FAM193A: variants seen among roughly 807,000 people sequenced by gnomAD.
The protein encoded by FAM193A is family with sequence similarity 193 member A.
In FAM193A, 22 loss-of-function variants were observed where a neutral mutation model predicts 126.5. That is an observed-to-expected ratio of 0.17 (90% CI 0.12 to 0.25). The LOEUF (loss-of-function observed/expected upper bound fraction) is 0.25, where lower values mean the gene tolerates loss of function less well. Ranked by LOEUF, FAM193A falls within the 10% of genes least tolerant of loss-of-function variation. The pLI is 1.00. For synonymous variants in FAM193A, 761 were observed against 646.8 expected (o/e 1.18, Z -2.68); for missense variants, 1,675 against 1,672.8 (o/e 1.00, Z -0.02).
chr4:2,711,954 T>C (rs909133816), intron 19 of FAM193A, among the ~76,000 whole-genome samples: 2 of 152,148 alleles, frequency 1.3e-5, no homozygotes, highest in Non-Finnish European at 2.9e-5. Flanking sequence ...GTAATTTCCA[T>C]GCGTCTTTTT....
intron 20 of FAM193A, among the ~76,000 whole-genome samples, chr4:2,726,141 C>T (rs772251032): frequency 2.7e-4 from 41 of 152,166 alleles, no homozygotes; most frequent in Non-Finnish European, 5.3e-4. Context: ...CCTCGTGATC[C>T]GCCCATCTCA....
At chr4:2,548,641 G>C (rs2108814822) in intron 1 of FAM193A, among the ~76,000 whole-genome samples, 1 of 151,892 alleles carries the variant, frequency 6.6e-6, no homozygotes, top group Non-Finnish European at 1.5e-5. Context: ...ATTTTTAGTA[G>C]AGATGGGGTT....
chr4:2,547,907 G>A (rs1737667888), intron 1 of FAM193A, among the ~76,000 whole-genome samples: 1 of 151,938 alleles, frequency 6.6e-6, no homozygotes, highest in Non-Finnish European at 1.5e-5. Context: ...TTGCAGGCGT[G>A]AGCCACTGAG....
chr4:2,649,764 C>T (rs776134731), intron 7 of FAM193A, among the ~76,000 whole-genome samples: 9 of 152,204 alleles, frequency 5.9e-5, no homozygotes, highest in Non-Finnish European at 1.3e-4. Context: ...CCCCACAGAG[C>T]AGGGGTCCCT....
At chr4:2,690,633 T>C in intron 14 of FAM193A, 65 bp from the exon 15 acceptor site, 1 of 1,453,476 alleles carries the variant, frequency 6.9e-7, no homozygotes, top group Non-Finnish European at 9.4e-7. Context: ...CATCAGCATG[T>C]CTTTTAGGGT....
At chr4:2,617,198 G>A (rs1287415669) in intron 2 of FAM193A, among the ~76,000 whole-genome samples, 25 of 98,556 alleles carry the variant, frequency 2.5e-4, no homozygotes, top group African/African-American at 5.4e-4. Flanking sequence ...AAAAAAAAAA[G>A]AATATTTTTT....
At chr4:2,728,684 G>A (rs1185022971) in intron 20 of FAM193A, among the ~76,000 whole-genome samples, 2 of 151,982 alleles carry the variant, frequency 1.3e-5, no homozygotes, top group Admixed American at 6.6e-5. Context: ...GCTTTGAGTC[G>A]TTTGTGCAGG....
chr4:2,678,828 C>T (rs758147559), intron 13 of FAM193A, among the ~76,000 whole-genome samples: 2 of 152,162 alleles, frequency 1.3e-5, no homozygotes, highest in Non-Finnish European at 2.9e-5. Flanking sequence ...TTTGTGGAAT[C>T]TTTGGAGTTC....
chr4:2,558,018 A>T (rs923731170), intron 1 of FAM193A, among the ~76,000 whole-genome samples: 1 of 152,166 alleles, frequency 6.6e-6, no homozygotes, highest in African/African-American at 2.4e-5. Context: ...CATGCCTGTA[A>T]TCCCAGCACT....
At chr4:2,646,286 C>A (rs1384292871) in intron 6 of FAM193A, among the ~76,000 whole-genome samples, 9 of 150,938 alleles carry the variant, frequency 6.0e-5, no homozygotes, top group African/African-American at 1.9e-4. Context: ...TCTCCTGTCT[C>A]AGCCTCCTGA....
chr4:2,588,431 G>T lies in FAM193A; in HGVS notation c.256-7653G>T, dbSNP rs545269202. ...TATAAAAAAGCAAGTATTGCCTGTG[G>T]GCCCCACTGTTTTAGGTCACTGGCT... On this transcript the variant is annotated intron_variant, in intron 1 of 20. Coordinates refer to ENST00000637812, the MANE Select transcript of FAM193A (RefSeq NM_001366318.2). Among the ~76,000 whole-genome samples the T allele has an allele frequency of 3.4e-4, 51 of 152,222 alleles. No individual in the cohort carries two copies. In the South Asian group the frequency reaches 0.01, roughly 30 times the overall value.
chr4:2,710,213 C>A (rs528745690), intron 19 of FAM193A, among the ~76,000 whole-genome samples: 354 of 123,116 alleles, frequency 2.9e-3, no homozygotes, highest in African/African-American at 8.2e-3. Flanking sequence ...CTCGCTCTGT[C>A]CCCCAGGCTG....
chr4:2,682,945 C>T (rs568791231), intron 13 of FAM193A, among the ~76,000 whole-genome samples: 1 of 152,296 alleles, frequency 6.6e-6, no homozygotes, highest in Non-Finnish European at 1.5e-5. Flanking sequence ...TAGTATTCTT[C>T]CTTTCTTTAT....
chr4:2,634,889 A>C (rs1003753262), intron 5 of FAM193A, among the ~76,000 whole-genome samples: 24 of 152,202 alleles, frequency 1.6e-4, no homozygotes, highest in African/African-American at 5.6e-4. Flanking sequence ...GACTACAATG[A>C]ATCTATGTAC....
chr4:2,567,969 T>C (rs1380017443), intron 1 of FAM193A, among the ~76,000 whole-genome samples: 2 of 152,228 alleles, frequency 1.3e-5, no homozygotes, highest in African/African-American at 4.8e-5. Flanking sequence ...GTTGGGGTCA[T>C]GGCTTCTGCC....
At chr4:2,626,755 C>A (rs1223344178) in intron 4 of FAM193A, among the ~76,000 whole-genome samples, 178 bp downstream of exon 4, 3 of 152,080 alleles carry the variant, frequency 2.0e-5, no homozygotes, top group Admixed American at 2.0e-4. Flanking sequence ...CTAGGTCAAA[C>A]GTCTTGAATT....
chr4:2,607,872 G>T, intron 2 of FAM193A: 1 of 692,924 alleles, frequency 1.4e-6, no homozygotes, highest in South Asian at 1.9e-5. Context: ...TTGGTTGTAT[G>T]TGTTGCAGAT....
At chr4:2,731,179 A>T (rs1721333658) in intron 20 of FAM193A, among the ~76,000 whole-genome samples, 1 of 140,804 alleles carries the variant, frequency 7.1e-6, no homozygotes, top group Non-Finnish European at 1.5e-5. Flanking sequence ...CTGGATGACA[A>T]GAGCGAAACT....
At chr4:2,609,149 T>A (rs1038162521) in intron 2 of FAM193A, among the ~76,000 whole-genome samples, 1 of 151,910 alleles carries the variant, frequency 6.6e-6, no homozygotes, top group Non-Finnish European at 1.5e-5. Flanking sequence ...GCCTCGGCCT[T>A]CCAAAGTGCT....
Sources: allele counts gnomAD v4.1 joint callset (sites outside exome capture counted in the v4.1 genomes callset), GRCh38; gene constraint gnomAD v4.1.1; transcripts MANE v1.5; gene names NCBI Gene and HGNC (gene_info 2026-07-23, HGNC 2026-07-21).